Variants in SEMA5A observed in about 807,000 individuals in gnomAD.
SEMA5A encodes semaphorin-5A.
Under a neutral mutation model 135.5 loss-of-function variants are expected in SEMA5A, and 55 were observed. The ratio of observed to expected loss-of-function variants is 0.41; its 90% confidence interval spans 0.33 to 0.51. SEMA5A has a LOEUF of 0.51. Ranked by LOEUF, SEMA5A falls within the 20% of genes least tolerant of loss-of-function variation. The pLI is 0.37. For missense variants in SEMA5A, 1,290 were observed against 1,419.9 expected (o/e 0.91, Z 1.47); for synonymous variants, 580 against 546.5 (o/e 1.06, Z -0.85).
chr5:9,156,685 C>T (rs1742974677), intron 11 of SEMA5A, among the ~76,000 whole-genome samples: 1 of 152,154 alleles, frequency 6.6e-6, no homozygotes, highest in African/African-American at 2.4e-5. Context: ...GTGCTGTGAC[C>T]AGCGTCACAC....
chr5:9,544,829 G>A (rs1257574900), intron 1 of SEMA5A, among the ~76,000 whole-genome samples: 1 of 152,180 alleles, frequency 6.6e-6, no homozygotes, highest in African/African-American at 2.4e-5. Context: ...AGCGAGCCGG[G>A]GGAATCACTC....
chr5:9,380,135 G>C, intron 2 of SEMA5A, 112 bp from the exon 3 acceptor site: 1 of 679,320 alleles, frequency 1.5e-6, no homozygotes, highest in Non-Finnish European at 2.4e-6. Context: ...GGAGATAGAG[G>C]AGAGCTTGGA....
intron 12 of SEMA5A, among the ~76,000 whole-genome samples, chr5:9,154,083 A>ATG (rs1202687605): frequency 1.1e-4 from 9 of 84,328 alleles, no homozygotes; most frequent in East Asian, 4.6e-4. Context: ...ATATATATAT[A>ATG]TATATATATA....
At chr5:9,181,558 T>C (rs1008833540) in intron 11 of SEMA5A, among the ~76,000 whole-genome samples, 3 of 152,122 alleles carry the variant, frequency 2.0e-5, no homozygotes, top group Non-Finnish European at 2.9e-5. Context: ...CCTCTCTTGG[T>C]TCCCTTTGGT....
chr5:9,076,902 G>C (rs936710382), intron 16 of SEMA5A, among the ~76,000 whole-genome samples: 1 of 142,088 alleles, frequency 7.0e-6, no homozygotes, highest in Non-Finnish European at 1.6e-5. Context: ...GTGTGTGTGT[G>C]TGTGTGTAGC....
chr5:9,381,351 C>T (rs1017173852), intron 2 of SEMA5A, among the ~76,000 whole-genome samples: 7 of 152,276 alleles, frequency 4.6e-5, no homozygotes, highest in East Asian at 3.9e-4. Flanking sequence ...ATGGAAACTA[C>T]GGCAAATTAG....
chr5:9,046,917 C>CACTG (rs985672156), intron 21 of SEMA5A, among the ~76,000 whole-genome samples: 2 of 152,010 alleles, frequency 1.3e-5, no homozygotes, highest in African/African-American at 4.8e-5. Context: ...CTCACTCACT[C>CACTG]ACTCACAACC....
chr5:9,486,075 G>A (rs573685667), intron 1 of SEMA5A, among the ~76,000 whole-genome samples: 4 of 152,108 alleles, frequency 2.6e-5, no homozygotes, highest in Admixed American at 2.6e-4. Flanking sequence ...CTACACCATG[G>A]AATACTATGC....
intron 8 of SEMA5A, among the ~76,000 whole-genome samples, chr5:9,223,243 T>C (rs1034756293): frequency 6.6e-6 from 1 of 152,218 alleles, no homozygotes; most frequent in African/African-American, 2.4e-5. Flanking sequence ...CTTGAGAAAG[T>C]TAATGACGAG....
Position 9,305,708 on chromosome 5 carries a change from G to GTATATA in SEMA5A, c.270+12658_270+12663dup, listed in dbSNP as rs146829804. On this transcript the variant is annotated intron_variant, in intron 5 of 22. Transcript: ENST00000382496. ...CAGTATATATACTGTGTGTGTGTGCGTATATATATATATATATATTTACAC... is the reference window on the plus strand; with the variant it reads ...CAGTATATATACTGTGTGTGTGTGCGTATATATATATATATATATATATATTTACAC... Among the ~76,000 whole-genome samples, 174 of 139,230 alleles carry GTATATA rather than the reference G, an allele frequency of 1.2e-3. No individual in the cohort carries two copies. In the Middle Eastern group the frequency reaches 0.015, roughly 12 times the overall value. The allele number at this position is 139,230 out of a possible 152,430, so 91.3% of individuals were successfully genotyped here.
chr5:9,419,727 C>G (rs1364601708), intron 2 of SEMA5A, among the ~76,000 whole-genome samples: 3 of 152,092 alleles, frequency 2.0e-5, no homozygotes, highest in Non-Finnish European at 4.4e-5. Context: ...AAATGACACC[C>G]AAATAACTCC....
chr5:9,048,288 C>T (rs368972145), intron 21 of SEMA5A, among the ~76,000 whole-genome samples: 17 of 152,320 alleles, frequency 1.1e-4, no homozygotes, highest in South Asian at 8.3e-4. Context: ...ATCCCACTGG[C>T]TGAATTCCAT....
chr5:9,440,277 A>G (rs1561254787), intron 1 of SEMA5A, among the ~76,000 whole-genome samples: 1 of 152,242 alleles, frequency 6.6e-6, no homozygotes, highest in Non-Finnish European at 1.5e-5. Flanking sequence ...TTTTCTAGAA[A>G]ACTGAGAAGA....
chr5:9,331,580 C>T (rs1170728860), intron 4 of SEMA5A, among the ~76,000 whole-genome samples: 1 of 152,178 alleles, frequency 6.6e-6, no homozygotes, highest in Non-Finnish European at 1.5e-5. Context: ...ACCAACTAAC[C>T]TCTAACTAGG....
intron 2 of SEMA5A, among the ~76,000 whole-genome samples, chr5:9,380,899 G>A (rs1755572408): frequency 6.6e-6 from 1 of 151,558 alleles, no homozygotes; most frequent in Non-Finnish European, 1.5e-5. Flanking sequence ...GGATAAAGAG[G>A]ATTTCAACAG....
In SEMA5A at chr5:9,036,729, G is replaced by A. The variant is rs935497125; in HGVS notation, c.*6168C>T. 6 of 152,548 alleles carry A rather than the reference G, an allele frequency of 3.9e-5. No individual in the cohort carries two copies. The highest frequency in any genetic ancestry group is 1.4e-4 in the African/African-American group (6 of 41,410). The allele number at this position is 152,548 out of a possible 1,614,324, so 9.4% of individuals were successfully genotyped here. A position where few individuals can be genotyped will look rare whatever the true frequency, so the allele number is the denominator to read the frequency against. ...CATTTTCTATTCCTGAGTTCAAAGA[G>A]ACATAGGAGAATAATTTTCTTTAAA... On this transcript the variant is annotated 3_prime_UTR_variant, in exon 23 of 23. Coordinates refer to ENST00000382496, the MANE Select transcript of SEMA5A (RefSeq NM_003966.3).
At chr5:9,115,928 A>G (rs1028982989) in intron 15 of SEMA5A, among the ~76,000 whole-genome samples, 2 of 152,158 alleles carry the variant, frequency 1.3e-5, no homozygotes, top group Non-Finnish European at 2.9e-5. Flanking sequence ...TCTTGCAAGG[A>G]GACTGTCTTT....
At chr5:9,247,808 G>T (rs192163602) in intron 5 of SEMA5A, among the ~76,000 whole-genome samples, 33 of 152,202 alleles carry the variant, frequency 2.2e-4, no homozygotes, top group Admixed American at 2.6e-4. Context: ...GTGTAAGTTT[G>T]GTAGTCATTG....
At chr5:9,466,461 G>A (rs998420380) in intron 1 of SEMA5A, among the ~76,000 whole-genome samples, 1 of 151,932 alleles carries the variant, frequency 6.6e-6, no homozygotes. Context: ...AAGAGGATGG[G>A]AAAGAAGGGC....
Sources: allele counts gnomAD v4.1 joint callset (sites outside exome capture counted in the v4.1 genomes callset), GRCh38; gene constraint gnomAD v4.1.1; transcripts MANE v1.5; gene names NCBI Gene and HGNC (gene_info 2026-07-23, HGNC 2026-07-21).